The following SLC35F1 variants were observed in gnomAD, a reference collection of about 807,000 sequenced individuals.
SLC35F1 encodes chromosome 6 open reading frame 169.
A neutral mutation model predicts 48.7 loss-of-function variants in SLC35F1; 14 were observed. That is an observed-to-expected ratio of 0.29 (90% CI 0.19 to 0.45). SLC35F1 has a LOEUF of 0.45. Among genes scored for constraint, SLC35F1 ranks in the 20% least tolerant of loss-of-function variants. The pLI is 1.00. For missense variants in SLC35F1, 404 were observed against 500.0 expected, an observed-to-expected ratio of 0.81 and a Z score of 1.83; for synonymous variants, 190 against 202.2, an observed-to-expected ratio of 0.94 and a Z score of 0.51.
intron 2 of SLC35F1, among the ~76,000 whole-genome samples, chr6:118,210,236 G>A (rs962510355): frequency 6.6e-6 from 1 of 152,114 alleles, no homozygotes; most frequent in African/African-American, 2.4e-5. Flanking sequence ...ACCTAATTGT[G>A]ATTATCACTA....
intron 1 of SLC35F1, among the ~76,000 whole-genome samples, chr6:117,972,316 A>T (rs372148433): frequency 8.1e-4 from 123 of 152,308 alleles, no homozygotes; most frequent in African/African-American, 2.7e-3. Context: ...ACAAGTCTCT[A>T]GGAAGTTCCA....
At chr6:118,228,623 G>A (rs1222196447) in intron 2 of SLC35F1, among the ~76,000 whole-genome samples, 2 of 152,082 alleles carry the variant, frequency 1.3e-5, no homozygotes, top group Non-Finnish European at 2.9e-5. Context: ...GATCCTGGGA[G>A]GGCAAGGCTG....
chr6:118,240,880 C>T (rs1039412274), intron 3 of SLC35F1, among the ~76,000 whole-genome samples: 4 of 152,092 alleles, frequency 2.6e-5, no homozygotes, highest in East Asian at 3.9e-4. Context: ...CACAAGATGG[C>T]GAGACAAAGA....
chr6:117,937,259 T>C (rs1776173374), intron 1 of SLC35F1, among the ~76,000 whole-genome samples: 1 of 152,196 alleles, frequency 6.6e-6, no homozygotes, highest in African/African-American at 2.4e-5. Context: ...ATTATTAGCT[T>C]TCTGCTTGTG....
chr6:118,059,202 ACAT>A (rs1177142580), intron 1 of SLC35F1, among the ~76,000 whole-genome samples: 2 of 152,164 alleles, frequency 1.3e-5, no homozygotes, highest in Non-Finnish European at 2.9e-5. Flanking sequence ...ACTAAATATC[ACAT>A]CATGTTATTC....
intron 1 of SLC35F1, among the ~76,000 whole-genome samples, chr6:117,918,203 G>T (rs140379577): frequency 1.3e-5 from 2 of 152,284 alleles, no homozygotes; most frequent in East Asian, 3.9e-4. Context: ...ACAAGGAATA[G>T]AGTGTAAGGA....
intron 1 of SLC35F1, among the ~76,000 whole-genome samples, chr6:118,018,248 G>A (rs1343477216): frequency 6.6e-6 from 1 of 152,064 alleles, no homozygotes; most frequent in East Asian, 1.9e-4. Flanking sequence ...GCAGGCACCT[G>A]TAATCCCAGC....
At chr6:117,967,877 C>T (rs1162319925) in intron 1 of SLC35F1, among the ~76,000 whole-genome samples, 1 of 152,174 alleles carries the variant, frequency 6.6e-6, no homozygotes, top group African/African-American at 2.4e-5. Flanking sequence ...GTTTCAGAAA[C>T]TCTCTTGTAA....
At chr6:118,155,322 G>A (rs1774122795) in intron 2 of SLC35F1, among the ~76,000 whole-genome samples, 1 of 152,160 alleles carries the variant, frequency 6.6e-6, no homozygotes, top group Non-Finnish European at 1.5e-5. Context: ...ATGTTGAAAT[G>A]TAATTGCCAC....
intron 1 of SLC35F1, among the ~76,000 whole-genome samples, chr6:118,150,802 A>T (rs1364003349): frequency 2.0e-5 from 3 of 152,208 alleles, no homozygotes; most frequent in African/African-American, 7.2e-5. Context: ...CATTGATATT[A>T]TGTTACATGG....
At chr6:118,292,859 GGCATAGT>G (rs1184928394) in intron 7 of SLC35F1, among the ~76,000 whole-genome samples, 1 of 152,158 alleles carries the variant, frequency 6.6e-6, no homozygotes, top group Non-Finnish European at 1.5e-5. Context: ...CTATCTGAAA[GGCATAGT>G]GCTTCTGCAA....
intron 4 of SLC35F1, among the ~76,000 whole-genome samples, chr6:118,272,970 TTTAA>T (rs1451545916): frequency 5.9e-5 from 9 of 151,572 alleles, no homozygotes; most frequent in East Asian, 1.9e-4. Flanking sequence ...TTTAATTATG[TTTAA>T]TTAACTAAAT....
chr6:118,022,705 G>A (rs1465779076), intron 1 of SLC35F1, among the ~76,000 whole-genome samples: 5 of 151,052 alleles, frequency 3.3e-5, no homozygotes, highest in Non-Finnish European at 7.4e-5. Flanking sequence ...TCAGGGAATA[G>A]AAATCATGAA....
chr6:118,164,647 A>T (rs953167063), intron 2 of SLC35F1, among the ~76,000 whole-genome samples: 4 of 152,220 alleles, frequency 2.6e-5, no homozygotes, highest in Admixed American at 1.3e-4. Context: ...AACTGAATAT[A>T]ATATGCCATC....
Position 117,938,114 on chromosome 6 carries a change from G to A in SLC35F1, c.173+30215G>A, listed in dbSNP as rs77107986. On this transcript the variant is annotated intron_variant, in intron 1 of 7. Coordinates refer to ENST00000360388, the MANE Select transcript of SLC35F1 (RefSeq NM_001029858.4). ...CAACAGGTCTAAAAAATAAACTTAC[G>A]TGTTTCTTGACTTCTCTGTCTCTTT... Among the ~76,000 whole-genome samples, 184 of 152,150 alleles carry A rather than the reference G, an allele frequency of 1.2e-3. 3 individuals are homozygous for A. The East Asian group carries it at 0.032, about 27-fold the overall frequency.
intron 1 of SLC35F1, among the ~76,000 whole-genome samples, chr6:117,924,202 T>C (rs1775988717): frequency 1.1e-5 from 1 of 94,154 alleles, no homozygotes; most frequent in Non-Finnish European, 2.1e-5. Context: ...CACATGCATA[T>C]GTATATACAC....
intron 2 of SLC35F1, among the ~76,000 whole-genome samples, chr6:118,159,420 T>C (rs205960): frequency 0.05 from 7,660 of 152,008 alleles, 484 homozygotes; most frequent in African/African-American, 0.14. Flanking sequence ...GTTAGGAAAT[T>C]AAAATGTACC....
At chr6:118,305,601 C>G (rs1285032247) in intron 7 of SLC35F1, among the ~76,000 whole-genome samples, 1 of 152,156 alleles carries the variant, frequency 6.6e-6, no homozygotes, top group Non-Finnish European at 1.5e-5. Context: ...TAACCCTTGC[C>G]TTACAAGCAG....
intron 1 of SLC35F1, among the ~76,000 whole-genome samples, chr6:117,936,802 G>A (rs1776168207): frequency 6.6e-6 from 1 of 152,080 alleles, no homozygotes; most frequent in Non-Finnish European, 1.5e-5. Flanking sequence ...TCTCAAATCT[G>A]GATATCAAGG....
Sources: allele counts gnomAD v4.1 joint callset (sites outside exome capture counted in the v4.1 genomes callset), GRCh38; gene constraint gnomAD v4.1.1; transcripts MANE v1.5; gene names NCBI Gene and HGNC (gene_info 2026-07-23, HGNC 2026-07-21).